Variants in PPIL4 observed in about 807,000 individuals in gnomAD.
The protein encoded by PPIL4 is peptidylprolyl isomerase like 4.
PPIL4 carries 50 observed loss-of-function variants against 69.1 expected under a neutral mutation model. That is an observed-to-expected ratio of 0.72 (90% CI 0.58 to 0.92). The LOEUF (loss-of-function observed/expected upper bound fraction) is 0.92, where lower values mean the gene tolerates loss of function less well. Among genes scored for constraint, PPIL4 ranks in the 40% least tolerant of loss-of-function variants. PPIL4 has a pLI of 0.00. For synonymous variants in PPIL4, 193 were observed against 191.6 expected (o/e 1.01, Z -0.06); for missense variants, 480 against 587.9 (o/e 0.82, Z 1.90).
intron 7 of PPIL4, among the ~76,000 whole-genome samples, chr6:149,532,602 G>T (rs1264135386): frequency 6.6e-6 from 1 of 152,094 alleles, no homozygotes; most frequent in Non-Finnish European, 1.5e-5. Context: ...ACAGTTGATG[G>T]TAATATAAAC....
Position 149,512,244 on chromosome 6 carries a change from G to A in PPIL4, c.1138C>T (p.His380Tyr). The change falls in exon 12 of 13, where the codon CAC becomes TAC. Residue 380 changes from histidine to tyrosine, a missense_variant. By Grantham distance (83) the His-to-Tyr change is moderately conservative. Transcript: ENST00000253329. The stretch of plus-strand genomic sequence containing the variant: ...TTCTTCTTGTGTTTTTTACTTGTGT[G>A]TGAGTGACTTGATTTTGAGTCTTCG... ...QAEDSKSSHS[H>Y]TSKKHKKKTH... The A allele has an allele frequency of 1.2e-6, 2 of 1,613,064 alleles. No homozygotes were observed. The highest frequency in any genetic ancestry group is 1.7e-6 in the Non-Finnish European group (2 of 1,179,230).
At chr6:149,517,974 A>G (rs1469571134) in intron 10 of PPIL4, 1 of 152,338 alleles carries the variant, frequency 6.6e-6, no homozygotes, top group East Asian at 1.9e-4. Context: ...CCTGAGCGAC[A>G]GTGCGAAACT....
In PPIL4 at chr6:149,506,780, G is replaced by C. The variant is rs537628047; in HGVS notation, c.1228-1076C>G. Among the ~76,000 whole-genome samples, 6 of 152,204 alleles carry C rather than the reference G, an allele frequency of 3.9e-5. No homozygotes were observed. The South Asian group carries it at 6.2e-4, about 16-fold the overall frequency. On this transcript the variant is annotated intron_variant, in intron 12 of 12. Transcript: ENST00000253329. ...TGGCTAATTTTTGTATTTTTTTGTA[G>C]AGACGGGGTTTCCCCATGTTGCCCA...
chr6:149,540,563 C>CGAG (rs1777343735), intron 4 of PPIL4, among the ~76,000 whole-genome samples: 1 of 151,984 alleles, frequency 6.6e-6, no homozygotes, highest in Non-Finnish European at 1.5e-5. Context: ...TGCAGTGAGC[C>CGAG]GAGGATTGTG....
intron 11 of PPIL4, 28 bp downstream of exon 11, chr6:149,517,326 T>C (rs1429902037): frequency 1.6e-6 from 2 of 1,221,080 alleles, no homozygotes; most frequent in South Asian, 2.4e-5. Context: ...TCAATACATA[T>C]TAACTAACTG....
At position 149,517,096 on chromosome 6, in the gene PPIL4, A is replaced by G. The variant is rs1583205345; in HGVS notation, c.1079+258T>C. Reference sequence around the variant, plus strand: ...GGAAAGTACTTAACCTAGAGTAGGAAAGTATTAATAAAAGAATTAGGCTAC... The same window carrying G: ...GGAAAGTACTTAACCTAGAGTAGGAGAGTATTAATAAAAGAATTAGGCTAC... On this transcript the variant is annotated intron_variant, in intron 11 of 12. Transcript: ENST00000253329. The G allele has an allele frequency of 4.1e-5, 11 of 266,320 alleles. No homozygotes were observed. The East Asian group carries it at 8.2e-4, about 20-fold the overall frequency. The allele number at this position is 266,320 out of a possible 1,614,324, so 16.5% of individuals were successfully genotyped here.
chr6:149,530,593 A>C (rs1175102691), intron 7 of PPIL4, among the ~76,000 whole-genome samples: 1 of 151,298 alleles, frequency 6.6e-6, no homozygotes, highest in Non-Finnish European at 1.5e-5. Context: ...TGGGAGGCAG[A>C]GGTTGCAGTG....
chr6:149,521,019 A>C, intron 10 of PPIL4, 41 bp downstream of exon 10: 6 of 1,194,804 alleles, frequency 5.0e-6, no homozygotes, highest in Non-Finnish European at 7.3e-6. Flanking sequence ...TCTCAAAAAA[A>C]AAAAAAAAGC....
At chr6:149,533,744 A>C (rs1489487542) in intron 6 of PPIL4, among the ~76,000 whole-genome samples, 170 bp from the exon 7 acceptor site, 1 of 152,124 alleles carries the variant, frequency 6.6e-6, no homozygotes, top group Non-Finnish European at 1.5e-5. Flanking sequence ...ACACAGTGAG[A>C]TCTTGTCTCT....
chr6:149,533,327 C>T, intron 7 of PPIL4, 131 bp downstream of exon 7: 2 of 595,320 alleles, frequency 3.4e-6, no homozygotes, highest in East Asian at 2.9e-5. Context: ...TATGCCATAC[C>T]AAATTTAAAT....
intron 1 of PPIL4, among the ~76,000 whole-genome samples, chr6:149,543,384 A>C (rs1019860043): frequency 6.6e-6 from 1 of 152,234 alleles, no homozygotes; most frequent in African/African-American, 2.4e-5. Context: ...TTGTTTCTCA[A>C]AATTTTTTCA....
At chr6:149,511,638 CAAT>C (rs1213878517) in intron 12 of PPIL4, among the ~76,000 whole-genome samples, 3 of 152,140 alleles carry the variant, frequency 2.0e-5, no homozygotes, top group African/African-American at 7.2e-5. Flanking sequence ...CTTTTCTTCA[CAAT>C]AAATTTTCTT....
At chr6:149,545,898 G>C (rs1205894529) in intron 1 of PPIL4, 38 bp downstream of exon 1, 4 of 1,550,630 alleles carry the variant, frequency 2.6e-6, no homozygotes, top group Non-Finnish European at 2.6e-6. Context: ...GACAAGCTCG[G>C]GGGCCCCGGC....
At chr6:149,540,444 G>A (rs1474599315) in intron 4 of PPIL4, among the ~76,000 whole-genome samples, 4 of 152,114 alleles carry the variant, frequency 2.6e-5, no homozygotes, top group Non-Finnish European at 4.4e-5. Flanking sequence ...GTGAAACCCC[G>A]TCTCTACTAA....
intron 4 of PPIL4, among the ~76,000 whole-genome samples, chr6:149,537,293 A>G (rs1777292772): frequency 6.6e-6 from 1 of 152,254 alleles, no homozygotes; most frequent in South Asian, 2.1e-4. Context: ...GGAAAAGTCA[A>G]TGCCTAGCTT....
intron 9 of PPIL4, among the ~76,000 whole-genome samples, chr6:149,522,855 C>T (rs1178149394): frequency 6.6e-6 from 1 of 152,156 alleles, no homozygotes; most frequent in Non-Finnish European, 1.5e-5. Flanking sequence ...TCGTGATCCA[C>T]CCACCTCGGC....
chr6:149,539,710 A>T (rs2115040258), intron 4 of PPIL4, among the ~76,000 whole-genome samples: 1 of 152,254 alleles, frequency 6.6e-6, no homozygotes, highest in Middle Eastern at 3.4e-3. Flanking sequence ...TGCCACAGTC[A>T]CCCCAACCTT....
chr6:149,511,447 T>C lies in PPIL4; in HGVS notation c.1227+708A>G, dbSNP rs138982920. ...CTTTTTGTCAAGGTGTGTGTGTGTG[T>C]ATTTTTTGTCGAGATGGGGGTTTCA... On this transcript the variant is annotated intron_variant, in intron 12 of 12. Transcript: ENST00000253329. Among the ~76,000 whole-genome samples the C allele has an allele frequency of 2.4e-3, 367 of 152,016 alleles. 4 individuals are homozygous for C. The highest frequency in any genetic ancestry group is 6.8e-3 in the East Asian group (35 of 5,166).
intron 1 of PPIL4, 37 bp downstream of exon 1, chr6:149,545,899 G>A (rs1183438704): frequency 6.4e-7 from 1 of 1,552,608 alleles, no homozygotes; most frequent in Admixed American, 1.9e-5. Context: ...ACAAGCTCGG[G>A]GGCCCCGGCG....
Sources: gnomAD v4.1 joint callset for allele counts (sites outside exome capture counted in the v4.1 genomes callset) on GRCh38, gnomAD v4.1.1 for gene constraint, MANE v1.5 for transcripts, NCBI Gene and HGNC (gene_info 2026-07-23, HGNC 2026-07-21) for gene names.